Variants in TRIM65 observed in about 807,000 individuals in gnomAD.
The protein encoded by TRIM65 is tripartite motif containing 65, also known as E3 ubiquitin-protein ligase TRIM65.
Under a neutral mutation model 36.1 loss-of-function variants are expected in TRIM65, and 46 were observed. That is an observed-to-expected ratio of 1.27 (90% CI 1.01 to 1.63). The LOEUF is 1.63. TRIM65 is among the 40% of genes most tolerant of loss of function. TRIM65 has a pLI of 0.00. For synonymous variants in TRIM65, 346 were observed against 313.6 expected (o/e 1.10, Z -1.09); for missense variants, 708 against 696.6 (o/e 1.02, Z -0.18).
rs199545843 is a variant in TRIM65 at position 75,892,404 on chromosome 17, C to T, written c.607G>A (p.Glu203Lys). 1.2e-5 allele frequency: 20 copies of T among 1,614,034 alleles called. No homozygotes were observed. Among genetic ancestry groups the T allele is most frequent in the Middle Eastern group, 1.6e-4 (1 of 6,062 alleles). ...GCCAGCGCCTGCGTCTTGGCCACCT[C>T]GATGCTCCTCAGTGCTGTCGTGTGC... ...IQHTTALRSI[E>K]VAKTQALAQA... The change falls in exon 3 of 6, where the codon GAG (glutamate) becomes AAG (lysine). Residue 203 changes from glutamate to lysine, a missense_variant. Physicochemically the swap from Glu to Lys is moderately conservative, Grantham distance 56. Transcript: ENST00000269383.
chr17:75,886,231 C>A (rs926167228), downstream of TRIM65, among the ~76,000 whole-genome samples: 1 of 152,116 alleles, frequency 6.6e-6, no homozygotes, highest in East Asian at 1.9e-4. Flanking sequence ...GTCCATTAAA[C>A]CTCTTTCCTG....
Position 75,896,788 on chromosome 17 carries a change from G to A in TRIM65, c.150C>T (p.Cys50=). Residue 50 remains cysteine (C), a synonymous_variant, in exon 1 of 6, where the codon TGC becomes TGT. Transcript: ENST00000269383. ...WDRCGKACPE[C]REPFPDGAEL... ...CGGCGCCGTCGGGAAAGGGCTCCCG[G>A]CACTCGGGGCACGCCTTTCCGCAGC... The A allele has an allele frequency of 6.7e-7, 1 of 1,502,780 alleles. No homozygotes were observed. Among genetic ancestry groups the A allele is most frequent in the Non-Finnish European group, 8.9e-7 (1 of 1,129,564 alleles). 93.1% of individuals were successfully genotyped at this position (1,502,780 alleles called of 1,614,324 possible). A position where few individuals can be genotyped will look rare whatever the true frequency, so the allele number is the denominator to read the frequency against.
rs2065356250 is a variant in TRIM65 at position 75,896,797 on chromosome 17, G to A, written c.141C>T (p.Cys47=). 4.0e-6 allele frequency: 6 copies of A among 1,509,936 alleles called. No individual in the cohort carries two copies. Among genetic ancestry groups the A allele is most frequent in the African/African-American group, 2.9e-5 (2 of 69,462 alleles). 93.5% of individuals were successfully genotyped at this position (1,509,936 alleles called of 1,614,324 possible). A position where few individuals can be genotyped will look rare whatever the true frequency, so the allele number is the denominator to read the frequency against. The change falls in exon 1 of 6, where the codon TGC becomes TGT. Residue 47 remains cysteine, a synonymous_variant. Transcript: ENST00000269383. ...RDWWDRCGKA[C]PECREPFPDG... ...CGGGAAAGGGCTCCCGGCACTCGGG[G>A]CACGCCTTTCCGCAGCGGTCCCACC...
At chr17:75,886,993 C>A (rs1214931899), downstream of TRIM65, among the ~76,000 whole-genome samples, 1 of 151,190 alleles carries the variant, frequency 6.6e-6, no homozygotes, top group Non-Finnish European at 1.5e-5. Flanking sequence ...CCATTCTTGA[C>A]AAGAAATTTA....
At chr17:75,887,940 G>A (rs867267126), downstream of TRIM65, among the ~76,000 whole-genome samples, 1 of 152,104 alleles carries the variant, frequency 6.6e-6, no homozygotes, top group African/African-American at 2.4e-5. Context: ...TGGATCACAA[G>A]GTCAGGAGAT....
intron 1 of TRIM65, 93 bp downstream of exon 1, chr17:75,896,431 C>CG: frequency 8.2e-7 from 1 of 1,223,058 alleles, no homozygotes; most frequent in South Asian, 3.6e-5. Flanking sequence ...CCGCCGGGTG[C>CG]CCGAGAGAGC....
At position 75,896,594 on chromosome 17, in the gene TRIM65, C is replaced by T; in HGVS notation, c.344G>A (p.Ser115Asn). The T allele has an allele frequency of 7.8e-7, 1 of 1,286,630 alleles. No individual in the cohort carries two copies. The highest frequency in any genetic ancestry group is 9.8e-7 in the Non-Finnish European group (1 of 1,019,630). 79.7% of individuals were successfully genotyped at this position (1,286,630 alleles called of 1,614,324 possible). A position where few individuals can be genotyped will look rare whatever the true frequency, so the allele number is the denominator to read the frequency against. ...GCGACACTCGCGCACGGTGCACACG[C>T]TGCACACACAGCGGCCCTCGGTCCG... ...FCRTEGRCVC[S>N]VCTVRECRLH... The change falls in exon 1 of 6, where the codon AGC becomes AAC. Residue 115 changes from serine (S) to asparagine (N), a missense_variant. Physicochemically the swap from Ser to Asn is conservative, Grantham distance 46. Transcript: ENST00000269383.
rs989456132 is a variant in TRIM65, at chr17:75,889,979, T to G, written c.*800A>C. ...AGCTAAAAAGAAAGAAATTTAAATG[T>G]CCAATAATGGATAAATAAACTTGAT... On this transcript the variant is annotated 3_prime_UTR_variant, in exon 6 of 6. Coordinates refer to ENST00000269383, the MANE Select transcript of TRIM65 (RefSeq NM_173547.4). 2.0e-5 allele frequency: 3 copies of G among 152,122 alleles called. No homozygotes were observed. The highest frequency in any genetic ancestry group is 4.4e-5 in the Non-Finnish European group (3 of 68,020). 9.4% of individuals were successfully genotyped at this position (152,122 alleles called of 1,614,324 possible).
rs372775089 is a variant in TRIM65 at position 75,896,906 on chromosome 17, G to C, written c.32C>G (p.Thr11Ser). The change falls in exon 1 of 6, where the codon ACC becomes AGC. Residue 11 changes from threonine to serine, a missense_variant. By Grantham distance (58) the Thr-to-Ser change is moderately conservative. Transcript: ENST00000269383. MAAQLLEEKL[T>S]CAICLGLYQD... ...GTAGAGCCCCAGGCAGATGGCGCAG[G>C]TCAGCTTCTCCTCCAGCAGCTGCGC... 1.5e-5 allele frequency: 22 copies of C among 1,513,034 alleles called. No individual in the cohort carries two copies. The East Asian group carries it at 3.2e-4, about 22-fold the overall frequency. 93.7% of individuals were successfully genotyped at this position (1,513,034 alleles called of 1,614,324 possible).
rs1329458603 is a variant in TRIM65, at chr17:75,896,800, C to A, written c.138G>T (p.Ala46=). ...IRDWWDRCGK[A]CPECREPFPD... ...GAAAGGGCTCCCGGCACTCGGGGCA[C>A]GCCTTTCCGCAGCGGTCCCACCAGT... The change falls in exon 1 of 6, where the codon GCG becomes GCT. Residue 46 remains alanine, a synonymous_variant. Coordinates refer to ENST00000269383, the MANE Select transcript of TRIM65 (RefSeq NM_173547.4). The A allele has an allele frequency of 5.3e-6, 8 of 1,510,860 alleles. No individual in the cohort carries two copies. Among genetic ancestry groups the A allele is most frequent in the Non-Finnish European group, 7.1e-6 (8 of 1,132,748 alleles). The allele number at this position is 1,510,860 out of a possible 1,614,324, so 93.6% of individuals were successfully genotyped here.
intron 1 of TRIM65, among the ~76,000 whole-genome samples, chr17:75,894,177 C>T (rs892753465): frequency 1.3e-5 from 2 of 152,062 alleles, no homozygotes; most frequent in African/African-American, 2.4e-5. Context: ...CCCACCTCAC[C>T]GACCCCCAGC....
chr17:75,885,117 G>A (rs1391788592), downstream of TRIM65, among the ~76,000 whole-genome samples: 3 of 151,538 alleles, frequency 2.0e-5, no homozygotes, highest in Admixed American at 1.3e-4. Context: ...TAGTAGAGAC[G>A]GGGTTTCACC....
chr17:75,887,266 C>A (rs866688603), downstream of TRIM65, among the ~76,000 whole-genome samples: 3 of 151,484 alleles, frequency 2.0e-5, no homozygotes, highest in Middle Eastern at 3.4e-3. Context: ...AGGCAGATGA[C>A]ATGGGTCAGG....
chr17:75,895,650 CG>C (rs1407242093), intron 1 of TRIM65, among the ~76,000 whole-genome samples: 1 of 152,242 alleles, frequency 6.6e-6, no homozygotes, highest in Non-Finnish European at 1.5e-5. Flanking sequence ...AGCCTGAAGG[CG>C]GCCTCCCCTT....
intron 5 of TRIM65, 53 bp from the exon 6 acceptor site, chr17:75,891,400 T>A: frequency 1.3e-6 from 2 of 1,579,104 alleles, no homozygotes; most frequent in Non-Finnish European, 1.7e-6. Context: ...CACAACCAGA[T>A]CTCCATTTAT....
At position 75,891,894 on chromosome 17, in the gene TRIM65, G is replaced by C. The variant is rs202196426; in HGVS notation, c.920-16C>G. On this transcript the variant is annotated splice_polypyrimidine_tract_variant and intron_variant, in intron 4 of 5. Transcript: ENST00000269383. ...CCTGGGGCCTCTAGGGGGCAAAGCA[G>C]TGTTAAGGGAATGGTTGGAGAGGTC... The C allele has an allele frequency of 6.7e-5, 107 of 1,607,328 alleles. No homozygotes were observed. The highest frequency in any genetic ancestry group is 8.5e-5 in the Admixed American group (5 of 58,670).
intron 1 of TRIM65, 113 bp from the exon 2 acceptor site, chr17:75,892,963 A>C: frequency 1.1e-6 from 1 of 878,636 alleles, no homozygotes; most frequent in Non-Finnish European, 1.8e-6. Flanking sequence ...TCCCCACGCC[A>C]CCCCAGGCCA....
rs775423973 is a variant in TRIM65, at chr17:75,889,101, GGCTGTAGTCCAGTGGT to G, written c.*1662_*1677del. ...AGACAGAGTCTCGCTCTGTCACCCA[GGCTGTAGTCCAGTGGT>G]GCAATCTCAGCTCACTGCAACCTCA... On this transcript the variant is annotated 3_prime_UTR_variant, in exon 6 of 6. Transcript: ENST00000269383. The G allele has an allele frequency of 4.8e-5, 7 of 146,412 alleles. No homozygotes were observed. Among genetic ancestry groups the G allele is most frequent in the Non-Finnish European group, 8.9e-5 (6 of 67,308 alleles). The allele number at this position is 146,412 out of a possible 1,614,324, so 9.1% of individuals were successfully genotyped here. A position where few individuals can be genotyped will look rare whatever the true frequency, so the allele number is the denominator to read the frequency against.
Position 75,890,589 on chromosome 17 carries a change from G to A in TRIM65, c.*190C>T, listed in dbSNP as rs1158087271. On this transcript the variant is annotated 3_prime_UTR_variant, in exon 6 of 6. Transcript: ENST00000269383. ...GGGCATCCCATTTATCCCCCTCCTAGACTGTGTCCCCTTCAAAAAGGCTGC... is the reference window on the plus strand; with the variant it reads ...GGGCATCCCATTTATCCCCCTCCTAAACTGTGTCCCCTTCAAAAAGGCTGC... The A allele has an allele frequency of 1.5e-5, 8 of 542,110 alleles. No homozygotes were observed. The highest frequency in any genetic ancestry group is 9.9e-5 in the African/African-American group (5 of 50,664). 33.6% of individuals were successfully genotyped at this position (542,110 alleles called of 1,614,324 possible). A position where few individuals can be genotyped will look rare whatever the true frequency, so the allele number is the denominator to read the frequency against.
Sources: allele counts gnomAD v4.1 joint callset (sites outside exome capture counted in the v4.1 genomes callset), GRCh38; gene constraint gnomAD v4.1.1; transcripts MANE v1.5; gene names NCBI Gene and HGNC (gene_info 2026-07-23, HGNC 2026-07-21).